Variants in IL1RL2 observed in about 807,000 individuals in gnomAD.
IL1RL2 encodes interleukin-1 receptor-like 2.
Under a neutral mutation model 66.8 loss-of-function variants are expected in IL1RL2, and 68 were observed. The ratio of observed to expected loss-of-function variants is 1.02; its 90% CI spans 0.84 to 1.25. IL1RL2 has a LOEUF of 1.25. Ranked by LOEUF, IL1RL2 falls within the 50% of genes most tolerant of loss-of-function variation. The pLI is 0.00. For synonymous variants in IL1RL2, 305 were observed against 264.6 expected, an observed-to-expected ratio of 1.15 and a Z score of -1.48; for missense variants, 729 against 709.3, an observed-to-expected ratio of 1.03 and a Z score of -0.32.
chr2:102,226,847 G>C (rs955039678), intron 9 of IL1RL2, among the ~76,000 whole-genome samples: 1 of 152,196 alleles, frequency 6.6e-6, no homozygotes, highest in African/African-American at 2.4e-5. Context: ...CCTGCTTTTT[G>C]ACAGTGGGAA....
At chr2:102,242,271 T>C (rs907580344), downstream of IL1RL2, among the ~76,000 whole-genome samples, 2 of 152,238 alleles carry the variant, frequency 1.3e-5, no homozygotes, top group Non-Finnish European at 2.9e-5. Flanking sequence ...TTTTGGTGTA[T>C]ATATGAATAT....
At chr2:102,227,547 TG>T (rs1398512666) in intron 9 of IL1RL2, among the ~76,000 whole-genome samples, 2 of 152,160 alleles carry the variant, frequency 1.3e-5, no homozygotes, top group African/African-American at 4.8e-5. Flanking sequence ...GCTAGTACTG[TG>T]GATAGTCCGA....
At chr2:102,187,807 C>A in intron 1 of IL1RL2, 49 bp from the exon 2 acceptor site, 1 of 1,505,274 alleles carries the variant, frequency 6.6e-7, no homozygotes, top group Non-Finnish European at 9.3e-7. Context: ...GCGCCTCGGG[C>A]CCGCCCTACT....
chr2:102,200,859 G>A (rs1407588939), intron 4 of IL1RL2, among the ~76,000 whole-genome samples: 1 of 152,162 alleles, frequency 6.6e-6, no homozygotes, highest in Non-Finnish European at 1.5e-5. Flanking sequence ...CCTTGTCCAT[G>A]GAGGAGGCAT....
At chr2:102,224,182 A>G (rs984262416) in intron 8 of IL1RL2, among the ~76,000 whole-genome samples, 2 of 152,232 alleles carry the variant, frequency 1.3e-5, no homozygotes, top group African/African-American at 4.8e-5. Flanking sequence ...AACTAAAAAT[A>G]TAACAACCAT....
chr2:102,200,371 C>T (rs1185830939), intron 4 of IL1RL2, among the ~76,000 whole-genome samples: 1 of 152,140 alleles, frequency 6.6e-6, no homozygotes, highest in African/African-American at 2.4e-5. Flanking sequence ...CTGCATCCTG[C>T]TGGGCGGCTC....
intron 5 of IL1RL2, among the ~76,000 whole-genome samples, chr2:102,203,221 TG>T (rs1688422589): frequency 6.6e-6 from 1 of 152,252 alleles, no homozygotes; most frequent in Non-Finnish European, 1.5e-5. Flanking sequence ...ATCCTAGGGA[TG>T]AATCCCATTT....
chr2:102,208,738 T>C (rs1380451854), intron 5 of IL1RL2, among the ~76,000 whole-genome samples: 1 of 152,276 alleles, frequency 6.6e-6, no homozygotes, highest in Non-Finnish European at 1.5e-5. Context: ...GAATTCCAGC[T>C]GTTCTTCTAG....
chr2:102,212,343 C>A (rs376842916), intron 6 of IL1RL2, among the ~76,000 whole-genome samples, 169 bp downstream of exon 6: 30 of 152,202 alleles, frequency 2.0e-4, no homozygotes, highest in Middle Eastern at 3.4e-3. Context: ...AATAAAACAC[C>A]AGAGAGCCGA....
In IL1RL2 at chr2:102,239,241, A is replaced by C. The variant is rs1675127128; in HGVS notation, c.1728A>C (p.Ter576TyrextTer5). The change falls in exon 12 of 12, where the codon TAA (stop) becomes TAC (tyrosine). Residue 576 changes from the stop codon to tyrosine, a stop_lost. Transcript: ENST00000264257. ...AGAAGTGTACTCTCACGACTGGCTA[A>C]GACTTGCTGGACTGACACCTATGGC... is the stretch of plus-strand genomic sequence containing the variant. ...RRKKCTLTTG[*>Y] The C allele has an allele frequency of 1.2e-6, 2 of 1,613,796 alleles. No individual in the cohort carries two copies.
At chr2:102,218,104 A>T (rs1689767408) in intron 6 of IL1RL2, among the ~76,000 whole-genome samples, 2 of 152,144 alleles carry the variant, frequency 1.3e-5, no homozygotes. Context: ...ACAAAAAACA[A>T]AAAACAGAAC....
intron 7 of IL1RL2, among the ~76,000 whole-genome samples, chr2:102,219,613 T>C (rs1463729581): frequency 1.3e-5 from 2 of 152,046 alleles, no homozygotes; most frequent in Non-Finnish European, 1.5e-5. Context: ...TTAGGATACT[T>C]GGAGAGGAAT....
intron 4 of IL1RL2, among the ~76,000 whole-genome samples, chr2:102,199,853 G>A (rs1425658677): frequency 6.6e-6 from 1 of 152,130 alleles, no homozygotes; most frequent in East Asian, 1.9e-4. Flanking sequence ...TGAAATGTGA[G>A]GACTAGACAT....
intron 9 of IL1RL2, among the ~76,000 whole-genome samples, chr2:102,229,137 T>C (rs1239053945): frequency 1.3e-5 from 2 of 152,186 alleles, no homozygotes; most frequent in Non-Finnish European, 2.9e-5. Flanking sequence ...TGAGAGAAAG[T>C]AGGGAATTGA....
At chr2:102,222,739 C>T (rs6715919) in intron 8 of IL1RL2, among the ~76,000 whole-genome samples, 42,614 of 152,006 alleles carry the variant, frequency 0.28, 6,607 homozygotes, top group East Asian at 0.39. Context: ...GCGTTTCCTC[C>T]CTTCTGACTT....
chr2:102,218,459 T>C (rs1382068943), intron 6 of IL1RL2, among the ~76,000 whole-genome samples: 2 of 152,124 alleles, frequency 1.3e-5, no homozygotes, highest in African/African-American at 4.8e-5. Flanking sequence ...GAAGCAGAAA[T>C]ATCACTGGAT....
At position 102,205,291 on chromosome 2, in the gene IL1RL2, A is replaced by G. The variant is rs184208035; in HGVS notation, c.649+3576A>G. ...CTTTCTAGGATAAGAACAGTTTCAC[A>G]CCACAGTTACAGTGTTAAAATATTC... is the stretch of plus-strand genomic sequence containing the variant. On this transcript the variant is annotated intron_variant, in intron 5 of 11. Transcript: ENST00000264257. 2.3e-3 allele frequency among the ~76,000 whole-genome samples: 349 copies of G among 152,302 alleles called. 2 individuals are homozygous for G. Among genetic ancestry groups the G allele is most frequent in the Non-Finnish European group, 3.2e-3 (219 of 67,988 alleles).
intron 5 of IL1RL2, among the ~76,000 whole-genome samples, chr2:102,202,825 A>G (rs894294594): frequency 6.6e-6 from 1 of 152,206 alleles, no homozygotes; most frequent in Admixed American, 6.5e-5. Flanking sequence ...TCATTTGCCA[A>G]CAATGATAAT....
chr2:102,188,796 A>G (rs1686960502), intron 2 of IL1RL2, among the ~76,000 whole-genome samples: 1 of 152,018 alleles, frequency 6.6e-6, no homozygotes, highest in Non-Finnish European at 1.5e-5. Flanking sequence ...GAAAAGAACT[A>G]AGGGTCGTAG....
Sources: gnomAD v4.1 joint callset for allele counts (sites outside exome capture counted in the v4.1 genomes callset) on GRCh38, gnomAD v4.1.1 for gene constraint, MANE v1.5 for transcripts, NCBI Gene and HGNC (gene_info 2026-07-23, HGNC 2026-07-21) for gene names.